Variants in KHDRBS3 observed in about 807,000 individuals in gnomAD.
KHDRBS3 encodes KH RNA binding domain containing, signal transduction associated 3.
Under a neutral mutation model 45.6 loss-of-function variants are expected in KHDRBS3, and 23 were observed. The observed-to-expected ratio is 0.50, with a 90% confidence interval of 0.36 to 0.72. The LOEUF (loss-of-function observed/expected upper bound fraction) is 0.72, where lower values mean the gene tolerates loss of function less well. KHDRBS3 is among the 30% of genes least tolerant of loss of function. The pLI, the probability that KHDRBS3 is intolerant of heterozygous loss-of-function variation, is 0.00. For synonymous variants in KHDRBS3, 162 were observed against 156.5 expected (o/e 1.04, Z -0.26); for missense variants, 352 against 424.8 (o/e 0.83, Z 1.51).
At chr8:135,459,426 C>T (rs1308899354) in intron 1 of KHDRBS3, among the ~76,000 whole-genome samples, 1 of 152,090 alleles carries the variant, frequency 6.6e-6, no homozygotes, top group Non-Finnish European at 1.5e-5. Context: ...GGCATGCATT[C>T]CTAAATAAAA....
At chr8:135,468,047 C>T (rs1821789142) in intron 1 of KHDRBS3, among the ~76,000 whole-genome samples, 1 of 152,180 alleles carries the variant, frequency 6.6e-6, no homozygotes, top group Non-Finnish European at 1.5e-5. Flanking sequence ...ATCCCTCTCT[C>T]CCTCTTTGTT....
At chr8:135,581,046 A>G (rs1257064147) in intron 5 of KHDRBS3, among the ~76,000 whole-genome samples, 1 of 152,114 alleles carries the variant, frequency 6.6e-6, no homozygotes, top group African/African-American at 2.4e-5. Context: ...TTGGAAAATG[A>G]GTCTTTAGCT....
At chr8:135,646,512 C>T (rs954109114) in intron 8 of KHDRBS3, among the ~76,000 whole-genome samples, 1 of 152,212 alleles carries the variant, frequency 6.6e-6, no homozygotes, top group African/African-American at 2.4e-5. Context: ...ATTTCCCTTT[C>T]TCAGTCTGCC....
intron 1 of KHDRBS3, among the ~76,000 whole-genome samples, chr8:135,520,889 A>G (rs1433967881): frequency 2.6e-5 from 4 of 152,316 alleles, no homozygotes; most frequent in Admixed American, 6.5e-5. Flanking sequence ...AGCACTTTGT[A>G]TCACTGAACT....
intron 2 of KHDRBS3, among the ~76,000 whole-genome samples, chr8:135,525,743 T>C (rs1446356571): frequency 2.0e-5 from 3 of 152,218 alleles, no homozygotes; most frequent in African/African-American, 7.2e-5. Flanking sequence ...ATTGATTCTT[T>C]GTGCTCAATA....
At chr8:135,640,981 G>A (rs1831034847) in intron 7 of KHDRBS3, among the ~76,000 whole-genome samples, 1 of 152,138 alleles carries the variant, frequency 6.6e-6, no homozygotes, top group Admixed American at 6.5e-5. Context: ...ATGAGAATGG[G>A]GCCCAGCTGC....
chr8:135,582,462 T>C (rs1828262179), intron 6 of KHDRBS3, among the ~76,000 whole-genome samples: 1 of 152,238 alleles, frequency 6.6e-6, no homozygotes, highest in African/African-American at 2.4e-5. Context: ...CTTAACTGTT[T>C]CCTTTTAAGC....
chr8:135,492,370 A>T (rs1823198479), intron 1 of KHDRBS3, among the ~76,000 whole-genome samples: 1 of 152,120 alleles, frequency 6.6e-6, no homozygotes, highest in South Asian at 2.1e-4. Context: ...ACTAATCAAG[A>T]TAGAGACAGC....
chr8:135,529,231 G>C (rs190182638), intron 2 of KHDRBS3, among the ~76,000 whole-genome samples: 147 of 152,348 alleles, frequency 9.6e-4, no homozygotes, highest in African/African-American at 2.9e-3. Context: ...CTGGAAAGAA[G>C]AGAACCGGTA....
At chr8:135,527,340 C>T (rs1040176443) in intron 2 of KHDRBS3, among the ~76,000 whole-genome samples, 5 of 152,162 alleles carry the variant, frequency 3.3e-5, no homozygotes, top group Non-Finnish European at 5.9e-5. Flanking sequence ...GAGGTTGTCT[C>T]TAAAGAGTCT....
At chr8:135,555,055 T>C (rs1434855171) in intron 4 of KHDRBS3, among the ~76,000 whole-genome samples, 1 of 152,220 alleles carries the variant, frequency 6.6e-6, no homozygotes, top group Non-Finnish European at 1.5e-5. Flanking sequence ...TCCACTGAAA[T>C]GGATTCCATC....
intron 4 of KHDRBS3, among the ~76,000 whole-genome samples, chr8:135,555,879 TC>T (rs1826857437): frequency 6.6e-6 from 1 of 151,910 alleles, no homozygotes; most frequent in Non-Finnish European, 1.5e-5. Context: ...ATGTTATCCC[TC>T]CCCTAGCCCC....
At chr8:135,651,352 G>T (rs1336156671), downstream of KHDRBS3, among the ~76,000 whole-genome samples, 2 of 151,110 alleles carry the variant, frequency 1.3e-5, no homozygotes, top group Non-Finnish European at 2.9e-5. Context: ...CCTTAGTATT[G>T]CTGTGAAGAT....
chr8:135,475,466 C>T (rs916088850), intron 1 of KHDRBS3, among the ~76,000 whole-genome samples: 6 of 151,776 alleles, frequency 4.0e-5, no homozygotes, highest in African/African-American at 1.5e-4. Context: ...AGCCCACCAC[C>T]ATGCCCAGCT....
chr8:135,586,976 T>C (rs1186566211), intron 6 of KHDRBS3, among the ~76,000 whole-genome samples: 1 of 152,232 alleles, frequency 6.6e-6, no homozygotes, highest in Non-Finnish European at 1.5e-5. Flanking sequence ...TCAGATTATG[T>C]GTACTGCAAG....
intron 1 of KHDRBS3, among the ~76,000 whole-genome samples, chr8:135,460,412 A>G (rs1393738895): frequency 3.9e-5 from 6 of 152,340 alleles, no homozygotes; most frequent in African/African-American, 1.4e-4. Context: ...GGTAAGGCAG[A>G]TGTTCATGTC....
intron 1 of KHDRBS3, among the ~76,000 whole-genome samples, chr8:135,472,442 CT>C (rs2130224096): frequency 6.6e-6 from 1 of 152,320 alleles, no homozygotes; most frequent in South Asian, 2.1e-4. Context: ...TTTATCCTTG[CT>C]GGGTCTCCAG....
At chr8:135,587,376 C>G (rs1023998921) in intron 6 of KHDRBS3, among the ~76,000 whole-genome samples, 1 of 152,154 alleles carries the variant, frequency 6.6e-6, no homozygotes, top group Non-Finnish European at 1.5e-5. Flanking sequence ...TTGGTAACAC[C>G]AAATCCATCT....
At chr8:135,524,047 A>G (rs1825053029) in intron 2 of KHDRBS3, among the ~76,000 whole-genome samples, 1 of 151,814 alleles carries the variant, frequency 6.6e-6, no homozygotes, top group South Asian at 2.1e-4. Context: ...ACAGAGTCTC[A>G]CTCTGTTGCC....
Sources: gnomAD v4.1 joint callset for allele counts (sites outside exome capture counted in the v4.1 genomes callset) on GRCh38, gnomAD v4.1.1 for gene constraint, MANE v1.5 for transcripts, NCBI Gene and HGNC (gene_info 2026-07-23, HGNC 2026-07-21) for gene names.